The following EIF3CL variants were observed in gnomAD, a reference collection of about 807,000 sequenced individuals.
EIF3CL encodes eukaryotic translation initiation factor 3 subunit C like.
For synonymous variants in EIF3CL, 2 were observed against 19.6 expected (o/e 0.10, Z 2.37); for missense variants, 5 against 56.1 (o/e 0.09, Z 2.91).
upstream of EIF3CL, among the ~76,000 whole-genome samples, chr16:28,408,204 C>CAAAA (rs1224629208): frequency 3.1e-4 from 15 of 47,858 alleles, no homozygotes; most frequent in East Asian, 9.4e-4. Flanking sequence ...ACCTTGTCGC[C>CAAAA]AAAAAAAAAA....
At chr16:28,426,035 T>C in the EIF3CL span, among the ~76,000 whole-genome samples, 3 of 112,856 alleles carry the variant, frequency 2.7e-5, 1 homozygote, top group Non-Finnish European at 5.8e-5. Flanking sequence ...TCAGCCGAGA[T>C]CATGCCAGTG....
the EIF3CL span, among the ~76,000 whole-genome samples, chr16:28,417,385 G>T: frequency 1.5e-5 from 2 of 133,864 alleles, no homozygotes; most frequent in South Asian, 4.5e-4. Context: ...GGCGGGAAAG[G>T]TGGGGAAAAG....
the EIF3CL span, among the ~76,000 whole-genome samples, chr16:28,422,652 G>A: frequency 6.9e-6 from 1 of 145,696 alleles, no homozygotes; most frequent in Admixed American, 7.0e-5. Flanking sequence ...GGCCAACACA[G>A]TGAAACCCCG....
chr16:28,408,204 C>CAA (rs1224629208), upstream of EIF3CL, among the ~76,000 whole-genome samples: 283 of 47,872 alleles, frequency 5.9e-3, 7 homozygotes, highest in African/African-American at 0.015. Context: ...ACCTTGTCGC[C>CAA]AAAAAAAAAA....
intron 15 of EIF3CL, among the ~76,000 whole-genome samples, chr16:28,387,301 T>TG (rs2045610643): frequency 8.2e-6 from 1 of 121,540 alleles, no homozygotes; most frequent in Non-Finnish European, 1.7e-5. Context: ...TAGTCGGAAG[T>TG]GGTGGCGGGC....
At chr16:28,421,776 C>T in the EIF3CL span, among the ~76,000 whole-genome samples, 2 of 125,330 alleles carry the variant, frequency 1.6e-5, no homozygotes, top group African/African-American at 5.7e-5. Context: ...GGTGCCACTG[C>T]ACTCTGGCCT....
At chr16:28,414,411 A>C in the EIF3CL span, 1 of 325,398 alleles carries the variant, frequency 3.1e-6, no homozygotes, top group Non-Finnish European at 5.9e-6. Context: ...AAAAAAGAAA[A>C]GACGGCTTTA....
the EIF3CL span, among the ~76,000 whole-genome samples, chr16:28,412,267 GT>G: frequency 1.2e-3 from 15 of 12,906 alleles, 1 homozygote; most frequent in Admixed American, 2.3e-3. Flanking sequence ...CTAGTAGCTA[GT>G]TTTTTTTTTT....
chr16:28,414,598 G>T, the EIF3CL span: 2 of 265,050 alleles, frequency 7.5e-6, no homozygotes, highest in Non-Finnish European at 7.4e-6. Context: ...CCCCGGGTCT[G>T]CTTCTGGCAG....
At chr16:28,415,000 C>G in the EIF3CL span, 1 of 474,214 alleles carries the variant, frequency 2.1e-6, no homozygotes, top group Admixed American at 2.5e-5. Flanking sequence ...CCAAGACAGG[C>G]GGGGATGTCA....
chr16:28,418,858 G>T, the EIF3CL span, among the ~76,000 whole-genome samples: 1 of 139,812 alleles, frequency 7.2e-6, no homozygotes, highest in Non-Finnish European at 1.6e-5. Context: ...TCGAACTCCT[G>T]ACGTCAGGTG....
At chr16:28,387,494 T>C (rs1380187918) in intron 15 of EIF3CL, among the ~76,000 whole-genome samples, 1 of 150,320 alleles carries the variant, frequency 6.7e-6, no homozygotes, top group Non-Finnish European at 1.5e-5. Context: ...AGCAGGAGTG[T>C]AAAATGGTAT....
the EIF3CL span, among the ~76,000 whole-genome samples, chr16:28,417,872 CAAAAAAAAA>C: frequency 3.6e-5 from 4 of 109,686 alleles, no homozygotes; most frequent in Non-Finnish European, 5.7e-5. Flanking sequence ...TTTAGGAATG[CAAAAAAAAA>C]AAAAAAAAAA....
chr16:28,416,754 T>TG, the EIF3CL span, among the ~76,000 whole-genome samples: 26 of 68,524 alleles, frequency 3.8e-4, 1 homozygote, highest in African/African-American at 7.3e-4. Context: ...GGGAGGGAGG[T>TG]GGGGGGGGTC....
the EIF3CL span, among the ~76,000 whole-genome samples, chr16:28,416,870 T>C: frequency 4.0e-5 from 3 of 75,346 alleles, no homozygotes; most frequent in African/African-American, 4.9e-5. Flanking sequence ...AGCCGCCCCG[T>C]CCGGGAGGGA....
At chr16:28,417,190 T>G in the EIF3CL span, among the ~76,000 whole-genome samples, 1 of 132,516 alleles carries the variant, frequency 7.5e-6, no homozygotes, top group African/African-American at 2.9e-5. Flanking sequence ...GGGAGGGAGG[T>G]GGGGGGGGTC....
intron 8 of EIF3CL, among the ~76,000 whole-genome samples, chr16:28,396,712 G>GT (rs1475435806): frequency 1.8e-5 from 1 of 54,098 alleles, no homozygotes; most frequent in African/African-American, 4.6e-5. Context: ...TGCAGTTATT[G>GT]TATGTCATGT....
the EIF3CL span, among the ~76,000 whole-genome samples, chr16:28,417,092 G>C: frequency 8.8e-6 from 1 of 113,224 alleles, no homozygotes; most frequent in Admixed American, 8.5e-5. Context: ...CCCCTACTGG[G>C]AAGTGAGGAG....
At chr16:28,422,767 G>GCAGA in the EIF3CL span, among the ~76,000 whole-genome samples, 1 of 135,454 alleles carries the variant, frequency 7.4e-6, no homozygotes, top group South Asian at 2.2e-4. Context: ...AACTCGGGAG[G>GCAGA]CAGAGATTGC....
Sources: allele counts gnomAD v4.1 joint callset (sites outside exome capture counted in the v4.1 genomes callset), GRCh38; gene constraint gnomAD v4.1.1; transcripts MANE v1.5; gene names NCBI Gene and HGNC (gene_info 2026-07-23, HGNC 2026-07-21).